CACNA1D: variants seen among roughly 807,000 people sequenced by gnomAD.
CACNA1D encodes calcium voltage-gated channel subunit alpha1 D.
Under a neutral mutation model 257.1 loss-of-function variants are expected in CACNA1D, and 55 were observed. That is an observed-to-expected ratio of 0.21 (90% CI 0.17 to 0.27). The LOEUF is 0.27. CACNA1D is among the 10% of genes least tolerant of loss of function. CACNA1D has a pLI of 1.00. For synonymous variants in CACNA1D, 980 were observed against 1,014.9 expected (o/e 0.97, Z 0.65); for missense variants, 1,876 against 2,784.0 (o/e 0.67, Z 7.34).
rs548346006 is a variant in CACNA1D, at chr3:53,710,078, C to G, written c.1390+7268C>G. 5.3e-5 allele frequency among the ~76,000 whole-genome samples: 8 copies of G among 152,338 alleles called. No individual in the cohort carries two copies. The East Asian group carries it at 1.4e-3, about 26-fold the overall frequency. On this transcript the variant is annotated intron_variant, in intron 9 of 47. Transcript: ENST00000350061. ...AGTCTGTACAGGGCTCCTGACTCCC[C>G]CTAAAGTGCCTTTTCCTTAATACCC...
chr3:53,644,309 A>AT, intron 3 of CACNA1D, among the ~76,000 whole-genome samples: 1 of 152,254 alleles, frequency 6.6e-6, no homozygotes, highest in Non-Finnish European at 1.5e-5. Context: ...TCACATGCTT[A>AT]TTTTTTTGTG....
chr3:53,682,365 TAAAAAA>T lies in CACNA1D; in HGVS notation c.1220+9265_1220+9270del, dbSNP rs3082718. On this transcript the variant is annotated intron_variant, in intron 8 of 47. Coordinates refer to ENST00000350061, the MANE Select transcript of CACNA1D (RefSeq NM_001128840.3). ...CGACATAGCGAGGCTTTGTCTCTGG[TAAAAAA>T]AAAAAAAAAAAAAAAAAAAAAAAAA... Among the ~76,000 whole-genome samples the T allele has an allele frequency of 1.1e-3, 54 of 47,364 alleles. 1 individual carries two copies. Among genetic ancestry groups the T allele is most frequent in the Admixed American group, 2.8e-3 (10 of 3,576 alleles). The allele number at this position is 47,364 out of a possible 152,430, so 31.1% of individuals were successfully genotyped here.
chr3:53,503,674 A>G (rs1277105089), intron 3 of CACNA1D, among the ~76,000 whole-genome samples: 1 of 152,228 alleles, frequency 6.6e-6, no homozygotes, highest in Non-Finnish European at 1.5e-5. Context: ...CTAAGAAGTC[A>G]GGAAATAAAA....
intron 14 of CACNA1D, among the ~76,000 whole-genome samples, chr3:53,726,558 A>G (rs1383683321): frequency 6.6e-6 from 1 of 152,130 alleles, no homozygotes; most frequent in Non-Finnish European, 1.5e-5. Flanking sequence ...AGTTGCTTGA[A>G]CCGGGGAGGT....
At chr3:53,545,734 G>A (rs1240439105) in intron 3 of CACNA1D, among the ~76,000 whole-genome samples, 1 of 152,144 alleles carries the variant, frequency 6.6e-6, no homozygotes, top group Admixed American at 6.5e-5. Context: ...AGCCAAACCT[G>A]GACACTTTCT....
intron 1 of CACNA1D, among the ~76,000 whole-genome samples, chr3:53,496,601 G>T (rs1253711828): frequency 4.6e-5 from 7 of 152,156 alleles, no homozygotes; most frequent in African/African-American, 7.2e-5. Context: ...TTTTGGTATT[G>T]CCTGGGTGCC....
chr3:53,519,928 C>G (rs1269326289), intron 3 of CACNA1D, among the ~76,000 whole-genome samples: 1 of 152,094 alleles, frequency 6.6e-6, no homozygotes, highest in South Asian at 2.1e-4. Flanking sequence ...TTTTGCCTGG[C>G]TTAGCATAAT....
Position 53,749,758 on chromosome 3 carries a change from A to C in CACNA1D, c.3516+289A>C, listed in dbSNP as rs898419. 0.75 allele frequency among the ~76,000 whole-genome samples: 114,373 copies of C among 151,830 alleles called. 45,009 individuals are homozygous for C. The highest frequency in any genetic ancestry group is 1 in the East Asian group (5,175 of 5,178). On this transcript the variant is annotated intron_variant, in intron 27 of 47. Transcript: ENST00000350061. ...CATGGTCATGACCCACTAGTGATGTATCAGAATCTTAGTTGGGGTGCTGTG... is the reference window on the plus strand; with the variant it reads ...CATGGTCATGACCCACTAGTGATGTCTCAGAATCTTAGTTGGGGTGCTGTG...
chr3:53,735,768 G>A (rs941506053), intron 20 of CACNA1D, among the ~76,000 whole-genome samples: 8 of 152,210 alleles, frequency 5.3e-5, no homozygotes, highest in Admixed American at 3.3e-4. Flanking sequence ...CTGCTTCTCC[G>A]CCTCTTTGCT....
intron 8 of CACNA1D, among the ~76,000 whole-genome samples, chr3:53,697,950 T>C (rs1010591110): frequency 5.9e-5 from 9 of 152,340 alleles, no homozygotes; most frequent in African/African-American, 2.2e-4. Flanking sequence ...TGGTTCCTTT[T>C]AATGGGGAAT....
At chr3:53,660,735 C>CT (rs1187126471) in intron 5 of CACNA1D, among the ~76,000 whole-genome samples, 2 of 151,934 alleles carry the variant, frequency 1.3e-5, no homozygotes, top group Non-Finnish European at 2.9e-5. Context: ...CCTGGAAACT[C>CT]TGATTAGATC....
chr3:53,588,188 T>C (rs1220188648), intron 3 of CACNA1D, among the ~76,000 whole-genome samples: 1 of 152,200 alleles, frequency 6.6e-6, no homozygotes, highest in Non-Finnish European at 1.5e-5. Flanking sequence ...AGCTATGTGG[T>C]GTTTCTCCCT....
chr3:53,521,978 A>AAG (rs2091596197), intron 3 of CACNA1D, among the ~76,000 whole-genome samples: 1 of 150,852 alleles, frequency 6.6e-6, no homozygotes, highest in Admixed American at 6.6e-5. Context: ...AAAAAAAAAA[A>AAG]GAAATTAGCC....
intron 29 of CACNA1D, among the ~76,000 whole-genome samples, chr3:53,761,785 C>T (rs1047952760): frequency 1.3e-5 from 2 of 152,010 alleles, no homozygotes; most frequent in African/African-American, 2.4e-5. Context: ...TGCGTGTGTG[C>T]GTGGGCGTGC....
At chr3:53,627,743 T>C (rs2093776473) in intron 3 of CACNA1D, among the ~76,000 whole-genome samples, 2 of 152,146 alleles carry the variant, frequency 1.3e-5, no homozygotes, top group African/African-American at 4.8e-5. Context: ...CCGGGTGTGG[T>C]GACTCATGTC....
At chr3:53,574,663 C>T (rs2093004990) in intron 3 of CACNA1D, among the ~76,000 whole-genome samples, 1 of 151,962 alleles carries the variant, frequency 6.6e-6, no homozygotes, top group Admixed American at 6.6e-5. Context: ...CCCCCACCCC[C>T]AGCACACTCA....
chr3:53,547,126 A>G (rs540767315), intron 3 of CACNA1D, among the ~76,000 whole-genome samples: 7 of 152,148 alleles, frequency 4.6e-5, no homozygotes, highest in Non-Finnish European at 8.8e-5. Context: ...TTGCTGAATA[A>G]ATGTCAAAAT....
chr3:53,650,748 T>G (rs2108272291), intron 3 of CACNA1D, 31 bp from the exon 4 acceptor site: 1 of 1,612,374 alleles, frequency 6.2e-7, no homozygotes, highest in Non-Finnish European at 8.5e-7. Flanking sequence ...GCCCCTGCTT[T>G]TTTGGTATGT....
rs551483584 is a variant in CACNA1D, at chr3:53,552,830, A to G, written c.483+51110A>G. Among the ~76,000 whole-genome samples, 6 of 152,344 alleles carry G rather than the reference A, an allele frequency of 3.9e-5. No homozygotes were observed. The South Asian group carries it at 6.2e-4, about 16-fold the overall frequency. On this transcript the variant is annotated intron_variant, in intron 3 of 47. Transcript: ENST00000350061. The stretch of plus-strand genomic sequence containing the variant: ...CTGCCATACACTAAAAGGATTTACT[A>G]TTCTTAAGGATTTCCTTCCATCCTA...
Sources: gnomAD v4.1 joint callset for allele counts (sites outside exome capture counted in the v4.1 genomes callset) on GRCh38, gnomAD v4.1.1 for gene constraint, MANE v1.5 for transcripts, NCBI Gene and HGNC (gene_info 2026-07-23, HGNC 2026-07-21) for gene names.